The following ZMYM1 variants were observed in gnomAD, a reference collection of about 807,000 sequenced individuals.
ZMYM1 encodes the protein zinc finger MYM-type containing 1.
ZMYM1 carries 39 observed loss-of-function variants against 60.0 expected under a neutral mutation model. The observed-to-expected ratio is 0.65, with a 90% CI of 0.50 to 0.85. The LOEUF is 0.85. Among genes scored for constraint, ZMYM1 ranks in the 40% least tolerant of loss-of-function variants. The probability of loss-of-function intolerance (pLI) is 0.00; values close to 1 mark genes in which losing one functional copy is unlikely to be tolerated. For missense variants in ZMYM1, 1,171 were observed against 1,309.5 expected (o/e 0.89, Z 1.63); for synonymous variants, 413 against 454.0 (o/e 0.91, Z 1.15).
chr1:35,061,820 T>TTTTTTTTTTTTATTTATTTA lies in ZMYM1; in HGVS notation c.-301+1898_-301+1899insTTTTTTTTATTTATTTATTT, dbSNP rs372684642. On this transcript the variant is annotated intron_variant, in intron 1 of 10. Transcript: ENST00000417119. ...TATAGACATCTTATTTCCCTTTTAT[T>TTTTTTTTTTTTATTTATTTA]TTTATTTATTTATTTATTTATTTAT... Among the ~76,000 whole-genome samples, 17 of 145,640 alleles carry TTTTTTTTTTTTATTTATTTA rather than the reference T, an allele frequency of 1.2e-4. No individual in the cohort carries two copies. The East Asian group carries it at 2.3e-3, about 20-fold the overall frequency.
chr1:35,103,406 G>A (rs949755263), intron 4 of ZMYM1, among the ~76,000 whole-genome samples: 6 of 152,150 alleles, frequency 3.9e-5, no homozygotes, highest in African/African-American at 1.4e-4. Context: ...AGAGTGCAGT[G>A]ACTTTTTGTG....
chr1:35,112,013 A>G, intron 8 of ZMYM1, 74 bp from the exon 9 acceptor site: 1 of 1,555,606 alleles, frequency 6.4e-7, no homozygotes, highest in Non-Finnish European at 8.7e-7. Flanking sequence ...ATATGAAATA[A>G]GCAAATATAG....
At chr1:35,094,308 A>G (rs1643191082) in intron 2 of ZMYM1, among the ~76,000 whole-genome samples, 1 of 152,210 alleles carries the variant, frequency 6.6e-6, no homozygotes, top group South Asian at 2.1e-4. Flanking sequence ...TTGCATAGGT[A>G]AAAGGATTGT....
intron 1 of ZMYM1, among the ~76,000 whole-genome samples, chr1:35,066,003 C>T (rs1382138366): frequency 6.6e-6 from 1 of 152,082 alleles, no homozygotes; most frequent in East Asian, 1.9e-4. Context: ...ACCAGATAAG[C>T]TGTTCTATAC....
intron 6 of ZMYM1, among the ~76,000 whole-genome samples, chr1:35,105,899 A>C (rs74989816): frequency 0.014 from 2,128 of 152,200 alleles, 55 homozygotes; most frequent in African/African-American, 0.048. Context: ...GAGCCTAGCC[A>C]TGTTTTTGTT....
chr1:35,095,736 T>G, intron 2 of ZMYM1, 83 bp from the exon 3 acceptor site: 1 of 1,195,176 alleles, frequency 8.4e-7, no homozygotes, highest in South Asian at 1.4e-5. Context: ...TTGACCACAA[T>G]TTATCATTTT....
intron 1 of ZMYM1, among the ~76,000 whole-genome samples, chr1:35,080,603 C>T (rs1642335657): frequency 6.6e-6 from 1 of 152,076 alleles, no homozygotes; most frequent in Non-Finnish European, 1.5e-5. Flanking sequence ...AGGCTTGAGC[C>T]ACTGTGCCCG....
At chr1:35,079,907 T>C (rs1158915761) in intron 1 of ZMYM1, among the ~76,000 whole-genome samples, 1 of 152,172 alleles carries the variant, frequency 6.6e-6, no homozygotes, top group East Asian at 1.9e-4. Flanking sequence ...AGGTCAGAAG[T>C]TCGAGACCAG....
Position 35,114,351 on chromosome 1 carries a change from A to C in ZMYM1, c.2521A>C (p.Ser841Arg), listed in dbSNP as rs773307455. The change falls in exon 10 of 10, where the codon AGT becomes CGT. Residue 841 changes from serine (S) to arginine (R), a missense_variant. Physicochemically the swap from Ser to Arg is moderately radical, Grantham distance 110. Transcript: ENST00000359858. ...TATAGCAAGCCATTCTTCAAATACA[A>C]GTTTCGCCGATGAATTGAGTCATTT... ...EVIASHSSNTSFADELSHLLT... is the reference protein window; with the variant it reads ...EVIASHSSNTRFADELSHLLT... 1 of 1,611,896 alleles carries C rather than the reference A, an allele frequency of 6.2e-7. No homozygotes were observed. The highest frequency in any genetic ancestry group is 1.1e-5 in the South Asian group (1 of 90,222).
chr1:35,097,678 CTTG>C, intron 4 of ZMYM1, 112 bp downstream of exon 4: 1 of 1,351,912 alleles, frequency 7.4e-7, no homozygotes, highest in Non-Finnish European at 1.0e-6. Flanking sequence ...GAGTTTGACT[CTTG>C]TTGCCCAGGC....
upstream of ZMYM1, among the ~76,000 whole-genome samples, chr1:35,077,820 T>C (rs1642194112): frequency 6.6e-6 from 1 of 152,184 alleles, no homozygotes; most frequent in African/African-American, 2.4e-5. Flanking sequence ...TAATAAAATT[T>C]CAGTCTCCCG....
At chr1:35,084,271 C>G (rs1271481472) in intron 1 of ZMYM1, among the ~76,000 whole-genome samples, 1 of 151,818 alleles carries the variant, frequency 6.6e-6, no homozygotes, top group Non-Finnish European at 1.5e-5. Context: ...CCTTGCCTGA[C>G]AAGAACAATA....
At chr1:35,064,836 C>T (rs370653872) in intron 1 of ZMYM1, among the ~76,000 whole-genome samples, 1 of 151,456 alleles carries the variant, frequency 6.6e-6, no homozygotes, top group Non-Finnish European at 1.5e-5. Context: ...TACAGGCGCC[C>T]GCCACCACAC....
Position 35,104,405 on chromosome 1 carries a change from C to T in ZMYM1, c.530C>T (p.Pro177Leu). 6.2e-7 allele frequency: 1 copy of T among 1,612,694 alleles called. No homozygotes were observed. Among genetic ancestry groups the T allele is most frequent in the Non-Finnish European group, 8.5e-7 (1 of 1,179,556 alleles). ...CLSSYEEKRK[P>L]FVTICTNSIL... Reference sequence around the variant, plus strand: ...TCATCATATGAAGAAAAAAGAAAACCATTTGTTACCATATGTACTAATAGC... The same window carrying T: ...TCATCATATGAAGAAAAAAGAAAACTATTTGTTACCATATGTACTAATAGC... The change falls in exon 5 of 10, where the codon CCA (proline) becomes CTA (leucine). Residue 177 changes from proline to leucine, a missense_variant. Coordinates refer to ENST00000359858, the MANE Select transcript of ZMYM1 (RefSeq NM_024772.5).
chr1:35,092,318 C>T (rs551685653), intron 1 of ZMYM1, among the ~76,000 whole-genome samples: 2 of 150,998 alleles, frequency 1.3e-5, no homozygotes, highest in South Asian at 4.2e-4. Flanking sequence ...CTGCAGCCTC[C>T]GCCTCCTGGG....
intron 4 of ZMYM1, among the ~76,000 whole-genome samples, chr1:35,099,869 TTTTG>T (rs1220099569): frequency 3.9e-5 from 6 of 151,900 alleles, no homozygotes; most frequent in Non-Finnish European, 5.9e-5. Flanking sequence ...TGATTTTCAG[TTTTG>T]TTTGTTTGTT....
chr1:35,080,429 A>G (rs1314162025), intron 1 of ZMYM1, among the ~76,000 whole-genome samples: 7 of 146,432 alleles, frequency 4.8e-5, no homozygotes, highest in Admixed American at 2.1e-4. Context: ...CGATCCTCCC[A>G]CCTCAGGTTC....
downstream of ZMYM1, among the ~76,000 whole-genome samples, chr1:35,118,540 C>T (rs1034719243): frequency 1.3e-5 from 2 of 151,858 alleles, no homozygotes; most frequent in Non-Finnish European, 2.9e-5. Flanking sequence ...GGTGAAACCC[C>T]GTCTCTACTA....
intron 4 of ZMYM1, among the ~76,000 whole-genome samples, chr1:35,103,264 C>G (rs1643749883): frequency 6.6e-6 from 1 of 152,126 alleles, no homozygotes; most frequent in Non-Finnish European, 1.5e-5. Flanking sequence ...CCTAATTTCC[C>G]TCTCCCCCCA....
Sources: gnomAD v4.1 joint callset for allele counts (sites outside exome capture counted in the v4.1 genomes callset) on GRCh38, gnomAD v4.1.1 for gene constraint, MANE v1.5 for transcripts, NCBI Gene and HGNC (gene_info 2026-07-23, HGNC 2026-07-21) for gene names.